The following SYT1 variants were observed in gnomAD, a reference collection of about 807,000 sequenced individuals.
SYT1 encodes synaptotagmin-1.
Under a neutral mutation model 44.8 loss-of-function variants are expected in SYT1, and 8 were observed. The ratio of observed to expected loss-of-function variants is 0.18; its 90% CI spans 0.10 to 0.32. The LOEUF (loss-of-function observed/expected upper bound fraction) is 0.32. SYT1 is among the 10% of genes least tolerant of loss of function. The pLI, the probability that SYT1 is intolerant of heterozygous loss-of-function variation, is 1.00. For synonymous variants in SYT1, 154 were observed against 188.8 expected, an observed-to-expected ratio of 0.82 and a Z score of 1.51; for missense variants, 286 against 509.3, an observed-to-expected ratio of 0.56 and a Z score of 4.22.
intron 4 of SYT1, among the ~76,000 whole-genome samples, chr12:79,243,466 T>A (rs1161333273): frequency 6.6e-6 from 1 of 152,182 alleles, no homozygotes; most frequent in Admixed American, 6.5e-5. Flanking sequence ...TAAAATAAAT[T>A]CTAAAATAAA....
intron 9 of SYT1, among the ~76,000 whole-genome samples, chr12:79,412,449 T>C (rs1382935219): frequency 6.6e-6 from 1 of 152,150 alleles, no homozygotes; most frequent in Non-Finnish European, 1.5e-5. Flanking sequence ...CAGGTTTTTC[T>C]ATGTATTGGG....
chr12:78,897,233 G>A (rs1455671910), intron 1 of SYT1, among the ~76,000 whole-genome samples: 1 of 151,580 alleles, frequency 6.6e-6, no homozygotes, highest in Non-Finnish European at 1.5e-5. Flanking sequence ...AAAATATTCA[G>A]CCTAATTTAT....
At chr12:79,100,107 A>C (rs1481669903) in intron 3 of SYT1, among the ~76,000 whole-genome samples, 1 of 151,790 alleles carries the variant, frequency 6.6e-6, no homozygotes, top group Admixed American at 6.6e-5. Flanking sequence ...TGTATGTTAA[A>C]TAATAATAAC....
chr12:78,932,850 AT>A (rs1877830908), intron 1 of SYT1, among the ~76,000 whole-genome samples: 1 of 152,198 alleles, frequency 6.6e-6, no homozygotes, highest in Non-Finnish European at 1.5e-5. Flanking sequence ...TATTAAAATA[AT>A]TATTCATTTT....
Position 79,444,131 on chromosome 12 carries a change from A to G in SYT1, c.987A>G (p.Thr329=). The G allele has an allele frequency of 6.2e-7, 1 of 1,613,776 alleles. No homozygotes were observed. The highest frequency in any genetic ancestry group is 8.5e-7 in the Non-Finnish European group (1 of 1,179,734). Residue 329 remains threonine, a synonymous_variant, in exon 10 of 11, where the codon ACA becomes ACG. Transcript: ENST00000261205. Reference sequence around the variant, plus strand: ...GTAAGAGGCTGAAGAAGAAAAAGACAACAATTAAAAAGAACACACTTAACC... The same window carrying G: ...GTAAGAGGCTGAAGAAGAAAAAGACGACAATTAAAAAGAACACACTTAACC... ...QNGKRLKKKK[T]TIKKNTLNPY...
intron 4 of SYT1, among the ~76,000 whole-genome samples, chr12:79,269,978 C>G (rs1353450984): frequency 6.6e-6 from 1 of 152,144 alleles, no homozygotes; most frequent in Non-Finnish European, 1.5e-5. Context: ...ATTTAATGTT[C>G]TGTCTCCAGA....
chr12:79,018,332 C>T (rs1871948718), intron 2 of SYT1, among the ~76,000 whole-genome samples: 1 of 126,564 alleles, frequency 7.9e-6, no homozygotes, highest in Non-Finnish European at 1.6e-5. Flanking sequence ...CATCACACAC[C>T]AGGGACGGTT....
intron 9 of SYT1, among the ~76,000 whole-genome samples, chr12:79,406,816 T>C (rs1281235877): frequency 2.0e-5 from 3 of 152,076 alleles, no homozygotes; most frequent in Admixed American, 2.0e-4. Context: ...AGAAAGTGAG[T>C]TAATATTTGA....
At chr12:79,360,152 T>C (rs1883264230) in intron 9 of SYT1, among the ~76,000 whole-genome samples, 1 of 152,146 alleles carries the variant, frequency 6.6e-6, no homozygotes, top group African/African-American at 2.4e-5. Context: ...TGCTATGTCA[T>C]AATTTTAACT....
At position 79,192,221 on chromosome 12, in the gene SYT1, T is replaced by A. The variant is rs201017152; in HGVS notation, c.-17-25282T>A. ...GAGTGTGTGTTTTAGTGAAAAGAGA[T>A]CACATAGGATGAAAGGAACCAAAAT... On this transcript the variant is annotated intron_variant, in intron 3 of 10. Coordinates refer to ENST00000261205, the MANE Select transcript of SYT1 (RefSeq NM_005639.3). Among the ~76,000 whole-genome samples, 8 of 152,158 alleles carry A rather than the reference T, an allele frequency of 5.3e-5. No individual in the cohort carries two copies. In the East Asian group the frequency reaches 1.5e-3, roughly 29 times the overall value.
intron 9 of SYT1, among the ~76,000 whole-genome samples, chr12:79,378,671 C>T (rs889816957): frequency 6.6e-6 from 1 of 152,082 alleles, no homozygotes; most frequent in Admixed American, 6.5e-5. Flanking sequence ...AAAACATGAC[C>T]CCCAGTGGGG....
intron 3 of SYT1, among the ~76,000 whole-genome samples, chr12:79,078,153 A>G (rs1876788321): frequency 6.6e-6 from 1 of 152,128 alleles, no homozygotes; most frequent in South Asian, 2.1e-4. Flanking sequence ...GTCATTGTCC[A>G]GTTGTAATTT....
intron 2 of SYT1, among the ~76,000 whole-genome samples, chr12:79,033,102 G>A (rs1872923994): frequency 6.6e-6 from 1 of 151,258 alleles, no homozygotes; most frequent in South Asian, 2.1e-4. Context: ...GTAAAAATTA[G>A]TTGCCATTCA....
chr12:79,114,631 T>A (rs1490349450), intron 3 of SYT1, among the ~76,000 whole-genome samples: 1 of 152,182 alleles, frequency 6.6e-6, no homozygotes, highest in Non-Finnish European at 1.5e-5. Flanking sequence ...CAATCATATC[T>A]TCAGGCCAGA....
At chr12:79,188,166 T>C (rs1872910309) in intron 3 of SYT1, among the ~76,000 whole-genome samples, 1 of 152,138 alleles carries the variant, frequency 6.6e-6, no homozygotes, top group Non-Finnish European at 1.5e-5. Flanking sequence ...GTTCCCTTTT[T>C]CATCCAGAGA....
At chr12:78,938,342 G>A (rs1312904152) in intron 1 of SYT1, among the ~76,000 whole-genome samples, 1 of 152,122 alleles carries the variant, frequency 6.6e-6, no homozygotes, top group East Asian at 1.9e-4. Flanking sequence ...TTTCCTCTGA[G>A]TTTAATAGGA....
At chr12:79,314,383 G>A (rs995608187) in intron 8 of SYT1, among the ~76,000 whole-genome samples, 3 of 151,806 alleles carry the variant, frequency 2.0e-5, no homozygotes, top group African/African-American at 2.4e-5. Context: ...TACCATGTGC[G>A]AGAGTCTGTG....
At chr12:79,412,118 G>T (rs933725309) in intron 9 of SYT1, among the ~76,000 whole-genome samples, 4 of 152,146 alleles carry the variant, frequency 2.6e-5, no homozygotes, top group African/African-American at 9.7e-5. Context: ...GAGAGATCAA[G>T]TCCACAGTTT....
intron 2 of SYT1, among the ~76,000 whole-genome samples, chr12:79,041,120 T>C (rs1183767326): frequency 6.6e-6 from 1 of 151,900 alleles, no homozygotes; most frequent in Non-Finnish European, 1.5e-5. Context: ...CTTTTTTGGT[T>C]CCATATGAAC....
Sources: allele counts gnomAD v4.1 joint callset (sites outside exome capture counted in the v4.1 genomes callset), GRCh38; gene constraint gnomAD v4.1.1; transcripts MANE v1.5; gene names NCBI Gene and HGNC (gene_info 2026-07-23, HGNC 2026-07-21).